RCOR3: variants seen among roughly 807,000 people sequenced by gnomAD.
RCOR3 encodes REST corepressor 3.
A neutral mutation model predicts 64.1 loss-of-function variants in RCOR3; 13 were observed. That is an observed-to-expected ratio of 0.20 (90% CI 0.13 to 0.32). The LOEUF is 0.32. Among genes scored for constraint, RCOR3 ranks in the 10% least tolerant of loss-of-function variants. The pLI is 1.00. For synonymous variants in RCOR3, 215 were observed against 239.0 expected, an observed-to-expected ratio of 0.90 and a Z score of 0.93; for missense variants, 489 against 701.2, an observed-to-expected ratio of 0.70 and a Z score of 3.42.
At chr1:211,266,026 C>T (rs1437407478) in intron 2 of RCOR3, among the ~76,000 whole-genome samples, 2 of 152,138 alleles carry the variant, frequency 1.3e-5, no homozygotes, top group Admixed American at 1.3e-4. Context: ...AATCTAACCT[C>T]TTATCATTTG....
At chr1:211,311,423 C>G (rs2102679434) in intron 10 of RCOR3, among the ~76,000 whole-genome samples, 1 of 152,182 alleles carries the variant, frequency 6.6e-6, no homozygotes, top group South Asian at 2.1e-4. Context: ...AAAGGAATTC[C>G]CCTTAGAGTC....
intron 10 of RCOR3, among the ~76,000 whole-genome samples, chr1:211,309,277 A>G (rs12743458): frequency 0.11 from 17,377 of 152,210 alleles, 1,128 homozygotes; most frequent in South Asian, 0.2. Flanking sequence ...TGCTAATAAA[A>G]ATATCTTTAG....
Position 211,294,629 on chromosome 1 carries a change from G to A in RCOR3, c.940-1047G>A, listed in dbSNP as rs578165984. On this transcript the variant is annotated intron_variant, in intron 8 of 11. Transcript: ENST00000419091. ...TTTTGAGACGGAGTCTCGCTGTGTC[G>A]CCCAGGCTGGAGTGCAGCGGCGCGA... 1.5e-3 allele frequency among the ~76,000 whole-genome samples: 180 copies of A among 117,536 alleles called. 1 individual carries two copies. The highest frequency in any genetic ancestry group is 5.7e-3 in the African/African-American group (171 of 30,194). The allele number at this position is 117,536 out of a possible 152,430, so 77.1% of individuals were successfully genotyped here. A position where few individuals can be genotyped will look rare whatever the true frequency, so the allele number is the denominator to read the frequency against.
chr1:211,285,870 G>A (rs1698451490), intron 7 of RCOR3, among the ~76,000 whole-genome samples: 1 of 152,140 alleles, frequency 6.6e-6, no homozygotes, highest in South Asian at 2.1e-4. Flanking sequence ...GTGTTATTAG[G>A]TGCATACAAA....
At chr1:211,296,583 C>G (rs1325819985) in intron 9 of RCOR3, among the ~76,000 whole-genome samples, 1 of 152,066 alleles carries the variant, frequency 6.6e-6, no homozygotes, top group South Asian at 2.1e-4. Context: ...AACAGTAGTA[C>G]TTCAGAAATT....
chr1:211,315,099 A>AT lies in RCOR3; in HGVS notation c.*1333dup. The AT allele has an allele frequency of 6.6e-6, 1 of 152,344 alleles. No homozygotes were observed. Among genetic ancestry groups the AT allele is most frequent in the South Asian group, 2.1e-4 (1 of 4,834 alleles). 9.4% of individuals were successfully genotyped at this position (152,344 alleles called of 1,614,324 possible). On this transcript the variant is annotated 3_prime_UTR_variant, in exon 12 of 12. Coordinates refer to ENST00000419091, the MANE Select transcript of RCOR3 (RefSeq NM_001136223.3). The stretch of plus-strand genomic sequence containing the variant: ...AGTGATAGTATTTCAACAATGTGTA[A>AT]TTAATATTTTTGATACAGTGATTTC...
chr1:211,282,489 A>G (rs1046769500), intron 7 of RCOR3, among the ~76,000 whole-genome samples: 1 of 152,090 alleles, frequency 6.6e-6, no homozygotes, highest in African/African-American at 2.4e-5. Flanking sequence ...GTGTTTCCTC[A>G]ATTGGATATT....
chr1:211,263,511 G>A (rs1367996443), intron 2 of RCOR3, among the ~76,000 whole-genome samples: 1 of 152,080 alleles, frequency 6.6e-6, no homozygotes, highest in African/African-American at 2.4e-5. Context: ...CTCATTTTCT[G>A]CTTAATAGTC....
chr1:211,273,709 A>G (rs1165541441), intron 3 of RCOR3, among the ~76,000 whole-genome samples: 4 of 152,232 alleles, frequency 2.6e-5, no homozygotes, highest in Admixed American at 1.3e-4. Context: ...AAGAAAATTT[A>G]GAGTACTGAA....
intron 9 of RCOR3, 22 bp downstream of exon 9, chr1:211,295,775 G>A (rs369359600): frequency 6.2e-7 from 1 of 1,600,096 alleles, no homozygotes; most frequent in Non-Finnish European, 8.6e-7. Context: ...AAGGATACAT[G>A]TGATTAAGTA....
chr1:211,314,190 T>C lies in RCOR3; in HGVS notation c.*422T>C, dbSNP rs940137421. On this transcript the variant is annotated 3_prime_UTR_variant, in exon 12 of 12. Coordinates refer to ENST00000419091, the MANE Select transcript of RCOR3 (RefSeq NM_001136223.3). ...CCTTAAGTTTCTTAAGTTAAGGATG[T>C]TTGGCTTTTTTCTTTAATTTTTTAA... 6 of 154,674 alleles carry C rather than the reference T, an allele frequency of 3.9e-5. No homozygotes were observed. Among genetic ancestry groups the C allele is most frequent in the African/African-American group, 1.2e-4 (5 of 41,518 alleles). 9.6% of individuals were successfully genotyped at this position (154,674 alleles called of 1,614,324 possible). A position where few individuals can be genotyped will look rare whatever the true frequency, so the allele number is the denominator to read the frequency against.
chr1:211,288,382 A>G (rs1052992844), intron 7 of RCOR3, among the ~76,000 whole-genome samples: 9 of 148,734 alleles, frequency 6.1e-5, no homozygotes, highest in Non-Finnish European at 1.3e-4. Context: ...TATACTTTTA[A>G]CTCTTCCGAG....
intron 2 of RCOR3, among the ~76,000 whole-genome samples, chr1:211,260,732 C>A (rs1340736628): frequency 1.5e-5 from 2 of 132,600 alleles, no homozygotes; most frequent in East Asian, 5.3e-4. Context: ...GCAGGAGCCG[C>A]GGAGAGAAAG....
intron 3 of RCOR3, chr1:211,271,641 C>G: frequency 2.3e-6 from 1 of 439,522 alleles, no homozygotes; most frequent in Non-Finnish European, 4.5e-6. Flanking sequence ...GTATATGGAG[C>G]GGTAAAGACA....
intron 3 of RCOR3, among the ~76,000 whole-genome samples, chr1:211,272,165 T>A (rs546242295): frequency 3.9e-5 from 6 of 152,298 alleles, no homozygotes; most frequent in Non-Finnish European, 7.4e-5. Context: ...TTAAGAGCTA[T>A]AAAACACCAG....
chr1:211,262,870 CTT>C (rs202136688), intron 2 of RCOR3, among the ~76,000 whole-genome samples: 27 of 143,188 alleles, frequency 1.9e-4, no homozygotes, highest in East Asian at 2.0e-4. Flanking sequence ...TTTTAAACAA[CTT>C]TTTTTTTTTA....
At chr1:211,287,415 C>A (rs1301016224) in intron 7 of RCOR3, among the ~76,000 whole-genome samples, 1 of 152,106 alleles carries the variant, frequency 6.6e-6, no homozygotes, top group East Asian at 1.9e-4. Flanking sequence ...TCATTTCTGG[C>A]CTCGGAAGAA....
intron 8 of RCOR3, chr1:211,291,618 T>C (rs542383040): frequency 2.2e-6 from 1 of 454,816 alleles, no homozygotes; most frequent in South Asian, 1.6e-5. Context: ...CTTGCAACAG[T>C]ATAGTGTGGG....
intron 9 of RCOR3, among the ~76,000 whole-genome samples, chr1:211,299,312 A>G (rs1250754628): frequency 1.3e-5 from 2 of 152,214 alleles, no homozygotes; most frequent in African/African-American, 4.8e-5. Context: ...CCTTGAAAGT[A>G]TGTGAGAGTG....
Sources: gnomAD v4.1 joint callset for allele counts (sites outside exome capture counted in the v4.1 genomes callset) on GRCh38, gnomAD v4.1.1 for gene constraint, MANE v1.5 for transcripts, NCBI Gene and HGNC (gene_info 2026-07-23, HGNC 2026-07-21) for gene names.